CADPS: variants seen among roughly 807,000 people sequenced by gnomAD.
CADPS encodes the protein calcium-dependent secretion activator 1.
Under a neutral mutation model 167.3 loss-of-function variants are expected in CADPS, and 57 were observed. The ratio of observed to expected loss-of-function variants is 0.34; its 90% confidence interval spans 0.28 to 0.42. CADPS has a LOEUF of 0.42. Ranked by LOEUF, CADPS falls within the 20% of genes least tolerant of loss-of-function variation. The probability of loss-of-function intolerance (pLI) is 1.00; values close to 1 mark genes in which losing one functional copy is unlikely to be tolerated. For missense variants in CADPS, 1,414 were observed against 1,738.1 expected, an observed-to-expected ratio of 0.81 and a Z score of 3.32; for synonymous variants, 676 against 635.3, an observed-to-expected ratio of 1.06 and a Z score of -0.96.
chr3:62,512,709 C>A, intron 17 of CADPS, 42 bp downstream of exon 17: 1 of 1,540,724 alleles, frequency 6.5e-7, no homozygotes, highest in African/African-American at 1.4e-5. Context: ...GAATGTAACT[C>A]AACAGTCCTG....
intron 3 of CADPS, among the ~76,000 whole-genome samples, chr3:62,715,521 A>G (rs150480202): frequency 1.2e-4 from 18 of 150,864 alleles, no homozygotes; most frequent in African/African-American, 4.1e-4. Context: ...GAACCTTAGA[A>G]AACATTGCCA....
intron 4 of CADPS, among the ~76,000 whole-genome samples, chr3:62,660,067 G>A (rs1007355639): frequency 6.6e-6 from 1 of 152,140 alleles, no homozygotes; most frequent in African/African-American, 2.4e-5. Context: ...TGGGGGTTGG[G>A]GGAGAGAGTT....
At position 62,592,629 on chromosome 3, in the gene CADPS, G is replaced by C; in HGVS notation, c.1437+8C>G. The C allele has an allele frequency of 6.2e-7, 1 of 1,608,244 alleles. No individual in the cohort carries two copies. The highest frequency in any genetic ancestry group is 2.2e-5 in the East Asian group (1 of 44,820). On this transcript the variant is annotated splice_region_variant and intron_variant, in intron 7 of 29. Coordinates refer to ENST00000383710, the MANE Select transcript of CADPS (RefSeq NM_003716.4). ...TGTGGAGTTCCCCTTGTGATAAGAAGTGCTTACCCGCCCAAGCTCCTTGTC... is the reference window on the plus strand; with the variant it reads ...TGTGGAGTTCCCCTTGTGATAAGAACTGCTTACCCGCCCAAGCTCCTTGTC...
intron 17 of CADPS, among the ~76,000 whole-genome samples, chr3:62,504,384 C>G (rs2066269146): frequency 6.6e-6 from 1 of 152,226 alleles, no homozygotes. Context: ...ATCCTCATGG[C>G]TCTTTCAGTG....
intron 27 of CADPS, chr3:62,440,437 T>C (rs1357508271): frequency 2.6e-5 from 4 of 151,712 alleles, no homozygotes; most frequent in Admixed American, 2.0e-4. Flanking sequence ...GCTAGAATAA[T>C]GTATGTAAAA....
At chr3:62,604,331 T>C (rs1172328112) in intron 6 of CADPS, among the ~76,000 whole-genome samples, 2 of 152,212 alleles carry the variant, frequency 1.3e-5, no homozygotes, top group African/African-American at 4.8e-5. Flanking sequence ...ACCTCATTTC[T>C]GATGGATCTA....
chr3:62,443,151 A>G (rs2056639863), intron 27 of CADPS, among the ~76,000 whole-genome samples: 1 of 152,238 alleles, frequency 6.6e-6, no homozygotes. Flanking sequence ...ATCTTGCAGT[A>G]TGGCAGAATT....
chr3:62,511,628 C>T (rs1217769143), intron 17 of CADPS, among the ~76,000 whole-genome samples: 1 of 152,126 alleles, frequency 6.6e-6, no homozygotes, highest in Non-Finnish European at 1.5e-5. Context: ...CCAATCCTAG[C>T]TCCCCTTTGC....
In CADPS at chr3:62,585,173, A is replaced by G; in HGVS notation, c.1577+12T>C. On this transcript the variant is annotated intron_variant, in intron 8 of 29. Transcript: ENST00000383710. ...TGTGTCCAAAACTGCTAGTTGGGGA[A>G]GAAACACTTACCCAGAATGCTTCAT... 6.2e-7 allele frequency: 1 copy of G among 1,612,342 alleles called. No individual in the cohort carries two copies. Among genetic ancestry groups the G allele is most frequent in the East Asian group, 2.2e-5 (1 of 44,816 alleles).
chr3:62,426,868 C>A (rs2052812549), intron 28 of CADPS, among the ~76,000 whole-genome samples: 1 of 150,994 alleles, frequency 6.6e-6, no homozygotes, highest in Non-Finnish European at 1.5e-5. Context: ...GAGATCGAGA[C>A]CATACTGGCT....
intron 1 of CADPS, among the ~76,000 whole-genome samples, chr3:62,796,747 A>G (rs1484257413): frequency 6.6e-6 from 1 of 152,188 alleles, no homozygotes; most frequent in Non-Finnish European, 1.5e-5. Flanking sequence ...CAGGATCAGC[A>G]TATTTGCAGA....
chr3:62,679,606 T>G (rs1306092041), intron 3 of CADPS, among the ~76,000 whole-genome samples: 1 of 151,858 alleles, frequency 6.6e-6, no homozygotes, highest in Non-Finnish European at 1.5e-5. Context: ...AATGGAGAGA[T>G]AGTGAAATAA....
intron 24 of CADPS, among the ~76,000 whole-genome samples, chr3:62,468,205 G>T (rs1486685918): frequency 6.6e-6 from 1 of 151,988 alleles, no homozygotes; most frequent in African/African-American, 2.4e-5. Context: ...AAATTGACAG[G>T]GCTCCAAATT....
chr3:62,779,671 C>G (rs2091167548), intron 1 of CADPS: 2 of 517,132 alleles, frequency 3.9e-6, no homozygotes, highest in Non-Finnish European at 7.9e-6. Flanking sequence ...GTGCAAGGTC[C>G]ACCGACCAAA....
At chr3:62,586,143 A>C (rs2084577683) in intron 7 of CADPS, among the ~76,000 whole-genome samples, 1 of 152,206 alleles carries the variant, frequency 6.6e-6, no homozygotes, top group African/African-American at 2.4e-5. Flanking sequence ...GAGGAATTGA[A>C]TATTTGGAAA....
At chr3:62,584,147 G>A (rs983747738) in intron 8 of CADPS, among the ~76,000 whole-genome samples, 2 of 152,028 alleles carry the variant, frequency 1.3e-5, no homozygotes, top group Admixed American at 1.3e-4. Context: ...TAGGATTACA[G>A]GTGCCCACCA....
intron 11 of CADPS, among the ~76,000 whole-genome samples, chr3:62,547,448 G>A (rs141500165): frequency 0.028 from 4,283 of 152,062 alleles, 84 homozygotes; most frequent in Middle Eastern, 0.061. Flanking sequence ...CCCGTTCCTC[G>A]GCAGTAATAA....
At chr3:62,506,009 T>G (rs2066613769) in intron 17 of CADPS, among the ~76,000 whole-genome samples, 1 of 152,194 alleles carries the variant, frequency 6.6e-6, no homozygotes, top group Non-Finnish European at 1.5e-5. Flanking sequence ...ACTTAACAAA[T>G]GTACTAGGCT....
chr3:62,627,524 A>G (rs897998064), intron 6 of CADPS, among the ~76,000 whole-genome samples: 4 of 152,176 alleles, frequency 2.6e-5, no homozygotes, highest in Non-Finnish European at 5.9e-5. Flanking sequence ...CATCAACTAT[A>G]TTGGTGTTGT....
Sources: allele counts gnomAD v4.1 joint callset (sites outside exome capture counted in the v4.1 genomes callset), GRCh38; gene constraint gnomAD v4.1.1; transcripts MANE v1.5; gene names NCBI Gene and HGNC (gene_info 2026-07-23, HGNC 2026-07-21).